KCNK2: variants seen among roughly 807,000 people sequenced by gnomAD.
KCNK2 encodes the protein potassium channel subfamily K member 2.
KCNK2 carries 21 observed loss-of-function variants against 40.5 expected under a neutral mutation model. That is an observed-to-expected ratio of 0.52 (90% confidence interval 0.37 to 0.75). The LOEUF (loss-of-function observed/expected upper bound fraction) is 0.75. Ranked by LOEUF, KCNK2 falls within the 30% of genes least tolerant of loss-of-function variation. The pLI is 0.00. For missense variants in KCNK2, 399 were observed against 531.6 expected (o/e 0.75, Z 2.45); for synonymous variants, 191 against 202.2 (o/e 0.94, Z 0.47).
intron 3 of KCNK2, among the ~76,000 whole-genome samples, chr1:215,137,129 A>T (rs1034853009): frequency 6.6e-6 from 1 of 152,200 alleles, no homozygotes; most frequent in Admixed American, 6.5e-5. Flanking sequence ...CAGTTTTATC[A>T]TAGGTTTTTG....
chr1:215,220,110 T>C (rs1489454736), intron 6 of KCNK2, among the ~76,000 whole-genome samples: 3 of 152,210 alleles, frequency 2.0e-5, no homozygotes, highest in Non-Finnish European at 4.4e-5. Flanking sequence ...CTAAGGAATA[T>C]ATTTTATACT....
intron 2 of KCNK2, among the ~76,000 whole-genome samples, chr1:215,103,958 A>G (rs1660327249): frequency 6.6e-6 from 1 of 152,090 alleles, no homozygotes; most frequent in Admixed American, 6.6e-5. Context: ...AGAGAAAAAA[A>G]TAAGCTAATC....
At chr1:215,007,195 A>ATG (rs1558054278) in intron 1 of KCNK2, among the ~76,000 whole-genome samples, 12 of 48,854 alleles carry the variant, frequency 2.5e-4, no homozygotes, top group Admixed American at 7.9e-4. Flanking sequence ...GTATATATAT[A>ATG]TATATATATA....
intron 5 of KCNK2, among the ~76,000 whole-genome samples, chr1:215,173,933 T>C (rs1663835185): frequency 6.6e-6 from 1 of 152,240 alleles, no homozygotes. Context: ...CTGTTCACTC[T>C]GATGGTAGTT....
At chr1:215,222,000 C>A (rs1247498945) in intron 6 of KCNK2, among the ~76,000 whole-genome samples, 2 of 152,088 alleles carry the variant, frequency 1.3e-5, no homozygotes, top group Non-Finnish European at 2.9e-5. Context: ...TGGTGGAAGG[C>A]AAAGTGGGAG....
At chr1:215,220,515 C>G (rs1340927907) in intron 6 of KCNK2, among the ~76,000 whole-genome samples, 2 of 152,158 alleles carry the variant, frequency 1.3e-5, no homozygotes. Context: ...TCATGCTGGT[C>G]TGGCTCTGAC....
chr1:215,200,658 T>C (rs1019101444), intron 6 of KCNK2, among the ~76,000 whole-genome samples: 4 of 152,298 alleles, frequency 2.6e-5, no homozygotes, highest in South Asian at 2.1e-4. Flanking sequence ...GGGAGAGTTA[T>C]TGCAAGTATC....
intron 6 of KCNK2, among the ~76,000 whole-genome samples, chr1:215,209,996 A>ATATATAT (rs1665646266): frequency 7.3e-4 from 1 of 1,372 alleles, no homozygotes; most frequent in Non-Finnish European, 1.8e-3. Context: ...ATAATATATA[A>ATATATAT]TATATATTAT....
intron 1 of KCNK2, among the ~76,000 whole-genome samples, chr1:215,053,428 G>T (rs957346284): frequency 6.6e-6 from 1 of 152,156 alleles, no homozygotes; most frequent in African/African-American, 2.4e-5. Flanking sequence ...TGTTGACTAA[G>T]CAGTAAATGA....
At chr1:215,042,701 C>T (rs997641969) in intron 1 of KCNK2, among the ~76,000 whole-genome samples, 7 of 152,092 alleles carry the variant, frequency 4.6e-5, no homozygotes, top group Admixed American at 1.3e-4. Flanking sequence ...TTTACTTCTC[C>T]CTCTTTTATC....
In KCNK2 at chr1:215,033,217, T is replaced by C. The variant is rs1657266964; in HGVS notation, c.34+27262T>C. ...GCAGTTTCTTTTCTTTTTTTTTTTTTTGTAGTTATTTCTAAAAAATTTAAT... is the reference window on the plus strand; with the variant it reads ...GCAGTTTCTTTTCTTTTTTTTTTTTCTGTAGTTATTTCTAAAAAATTTAAT... On this transcript the variant is annotated intron_variant, in intron 1 of 6. Coordinates refer to the KCNK2 transcript ENST00000391895. 2.4e-5 allele frequency among the ~76,000 whole-genome samples: 3 copies of C among 126,998 alleles called. No homozygotes were observed. In the South Asian group the frequency reaches 8.1e-4, roughly 34 times the overall value. The allele number at this position is 126,998 out of a possible 152,430, so 83.3% of individuals were successfully genotyped here. A position where few individuals can be genotyped will look rare whatever the true frequency, so the allele number is the denominator to read the frequency against.
At chr1:215,029,290 C>A (rs1387348348) in intron 1 of KCNK2, among the ~76,000 whole-genome samples, 2 of 151,868 alleles carry the variant, frequency 1.3e-5, no homozygotes, top group African/African-American at 4.8e-5. Context: ...ATCCCTCCCT[C>A]CCCGACCGCA....
intron 3 of KCNK2, among the ~76,000 whole-genome samples, chr1:215,148,955 A>G (rs1429237526): frequency 6.6e-6 from 1 of 152,178 alleles, no homozygotes; most frequent in Non-Finnish European, 1.5e-5. Context: ...GCGAGTAATG[A>G]TGACTCTGAA....
chr1:215,202,498 A>T (rs1249303153), intron 6 of KCNK2, among the ~76,000 whole-genome samples: 2 of 152,230 alleles, frequency 1.3e-5, no homozygotes, highest in Non-Finnish European at 2.9e-5. Context: ...GACATGTCTA[A>T]TTCCTAAGTG....
chr1:215,038,918 T>C (rs1452310928), intron 1 of KCNK2, among the ~76,000 whole-genome samples: 1 of 152,018 alleles, frequency 6.6e-6, no homozygotes, highest in Non-Finnish European at 1.5e-5. Context: ...CAATATGTTA[T>C]GATCATTTTT....
chr1:215,026,554 A>G (rs1178143805), intron 1 of KCNK2, among the ~76,000 whole-genome samples: 9 of 151,968 alleles, frequency 5.9e-5, no homozygotes, highest in Admixed American at 3.3e-4. Flanking sequence ...CCAATATCCA[A>G]TTCTAATGTA....
At chr1:215,152,631 A>G (rs1042259668) in intron 3 of KCNK2, among the ~76,000 whole-genome samples, 4 of 152,156 alleles carry the variant, frequency 2.6e-5, no homozygotes, top group African/African-American at 9.7e-5. Flanking sequence ...AGTAACTAGC[A>G]TGGTGATTGG....
chr1:215,129,372 T>C (rs1661571240), intron 3 of KCNK2, among the ~76,000 whole-genome samples: 1 of 152,136 alleles, frequency 6.6e-6, no homozygotes, highest in Non-Finnish European at 1.5e-5. Context: ...ACTAGAAATA[T>C]TGGGGTTGAA....
At position 215,237,045 on chromosome 1, in the gene KCNK2, A is replaced by G. The variant is rs1306399236; in HGVS notation, c.*1900A>G. 1 of 152,604 alleles carries G rather than the reference A, an allele frequency of 6.6e-6. No individual in the cohort carries two copies. The highest frequency in any genetic ancestry group is 1.5e-5 in the Non-Finnish European group (1 of 68,030). 9.5% of individuals were successfully genotyped at this position (152,604 alleles called of 1,614,324 possible). Reference sequence around the variant, plus strand: ...ATTTATATGGTGGAATGCGCCATGTATAAACTGTGAATTGTATTGACAAAT... The same window carrying G: ...ATTTATATGGTGGAATGCGCCATGTGTAAACTGTGAATTGTATTGACAAAT... On this transcript the variant is annotated 3_prime_UTR_variant, in exon 7 of 7. Transcript: ENST00000444842.
Sources: allele counts gnomAD v4.1 joint callset (sites outside exome capture counted in the v4.1 genomes callset), GRCh38; gene constraint gnomAD v4.1.1; transcripts MANE v1.5; gene names NCBI Gene and HGNC (gene_info 2026-07-23, HGNC 2026-07-21).